FOXO1: variants seen among roughly 807,000 people sequenced by gnomAD.
The protein encoded by FOXO1 is forkhead box protein O1.
In FOXO1, 6 loss-of-function variants were observed where a neutral mutation model predicts 44.1. The observed-to-expected ratio is 0.14, with a 90% CI of 0.07 to 0.27. The LOEUF is 0.27. Ranked by LOEUF, FOXO1 falls within the 10% of genes least tolerant of loss-of-function variation. FOXO1 has a pLI of 1.00. For missense variants in FOXO1, 737 were observed against 888.8 expected (o/e 0.83, Z 2.17); for synonymous variants, 380 against 362.7 (o/e 1.05, Z -0.54).
chr13:40,594,296 TCAGC>T (rs1374777973), intron 1 of FOXO1, among the ~76,000 whole-genome samples: 1 of 151,966 alleles, frequency 6.6e-6, no homozygotes, highest in Non-Finnish European at 1.5e-5. Flanking sequence ...CAAGCAAAAG[TCAGC>T]CAGGATGGAG....
chr13:40,663,242 T>TA (rs1373990038), intron 1 of FOXO1, among the ~76,000 whole-genome samples: 1 of 152,230 alleles, frequency 6.6e-6, no homozygotes, highest in South Asian at 2.1e-4. Context: ...CTTGCATTTT[T>TA]AAAAAAATCA....
intron 1 of FOXO1, among the ~76,000 whole-genome samples, chr13:40,657,744 G>A (rs1337451054): frequency 6.6e-6 from 1 of 152,058 alleles, no homozygotes; most frequent in Non-Finnish European, 1.5e-5. Context: ...ATTGCATCTA[G>A]TCTTCCTACT....
chr13:40,662,022 T>C (rs934446072), intron 1 of FOXO1, among the ~76,000 whole-genome samples: 1 of 151,416 alleles, frequency 6.6e-6, no homozygotes, highest in African/African-American at 2.4e-5. Context: ...AATACAAAAA[T>C]TAGCCAAGCA....
intron 1 of FOXO1, among the ~76,000 whole-genome samples, chr13:40,627,685 T>C (rs1311408776): frequency 1.3e-5 from 2 of 151,722 alleles, no homozygotes; most frequent in African/African-American, 2.4e-5. Context: ...ACACCAAAAT[T>C]AGCCAGGCAT....
rs779803394 is a variant in FOXO1 at position 40,560,083 on chromosome 13, A to G, written c.1408T>C (p.Ser470Pro). Residue 470 changes from serine (S) to proline (P), a missense_variant, in exon 2 of 3, where the codon TCT becomes CCT. By Grantham distance (74) the Ser-to-Pro change is moderately conservative. Transcript: ENST00000379561. The surrounding 1 kb of genome is among the most constrained non-coding windows in gnomAD (Gnocchi z 5.1). ...GTCATAATGTCATTATGGGGAGGAG[A>G]GTCAGAAGTCAGCAACTCCTTCAAG... ...GLLKELLTSD[S>P]PPHNDIMTPV... is the part of the protein sequence containing the mutation. 3.9e-5 allele frequency: 63 copies of G among 1,614,038 alleles called. No individual in the cohort carries two copies. Among genetic ancestry groups the G allele is most frequent in the Non-Finnish European group, 5.2e-5 (61 of 1,179,998 alleles).
chr13:40,617,750 T>C (rs1468198503), intron 1 of FOXO1, among the ~76,000 whole-genome samples: 1 of 152,164 alleles, frequency 6.6e-6, no homozygotes, highest in Non-Finnish European at 1.5e-5. Context: ...TGTTGAACAA[T>C]AAATAAGAAG....
At chr13:40,612,087 C>CAAATAA (rs1000280523) in intron 1 of FOXO1, among the ~76,000 whole-genome samples, 6 of 151,964 alleles carry the variant, frequency 3.9e-5, no homozygotes, top group Non-Finnish European at 7.4e-5. Flanking sequence ...AATAAACAAA[C>CAAATAA]AAATAAAAAT....
At chr13:40,637,443 C>CAAAAA (rs894457880) in intron 1 of FOXO1, among the ~76,000 whole-genome samples, 83 of 52,484 alleles carry the variant, frequency 1.6e-3, no homozygotes, top group East Asian at 6.1e-3. Context: ...GACTCCATCA[C>CAAAAA]AAAAAAAAAA....
chr13:40,665,452 C>T (rs1226389503), intron 1 of FOXO1, 131 bp downstream of exon 1: 1 of 790,862 alleles, frequency 1.3e-6, no homozygotes, highest in East Asian at 3.4e-5. Flanking sequence ...GCGACCACCG[C>T]TTCTCGCCCG....
rs553833936 is a variant in FOXO1 at position 40,663,721 on chromosome 13, T to C, written c.630+1862A>G. Reference sequence around the variant, plus strand: ...TACTTTTTTGAAACACTTGGTAAAATTGCATGTAATGCCTGGTAATGAAGC... The same window carrying C: ...TACTTTTTTGAAACACTTGGTAAAACTGCATGTAATGCCTGGTAATGAAGC... On this transcript the variant is annotated intron_variant, in intron 1 of 2. Coordinates refer to ENST00000379561, the MANE Select transcript of FOXO1 (RefSeq NM_002015.4). Among the ~76,000 whole-genome samples the C allele has an allele frequency of 7.2e-5, 11 of 152,328 alleles. No individual in the cohort carries two copies. The South Asian group carries it at 1.0e-3, about 14-fold the overall frequency.
chr13:40,665,455 C>G (rs1321578554), intron 1 of FOXO1, 128 bp downstream of exon 1: 1 of 825,474 alleles, frequency 1.2e-6, no homozygotes, highest in Non-Finnish European at 1.6e-6. Flanking sequence ...ACCACCGCTT[C>G]TCGCCCGCCC....
intron 1 of FOXO1, among the ~76,000 whole-genome samples, chr13:40,658,161 A>C (rs1877916178): frequency 6.6e-6 from 1 of 152,180 alleles, no homozygotes; most frequent in Non-Finnish European, 1.5e-5. Context: ...ACTGACTTGA[A>C]CCTTGCACAC....
intron 1 of FOXO1, 121 bp downstream of exon 1, chr13:40,665,462 G>A (rs1878198899): frequency 2.3e-6 from 2 of 874,404 alleles, no homozygotes; most frequent in Non-Finnish European, 1.5e-6. Context: ...CTTCTCGCCC[G>A]CCCTCCTGGG....
At chr13:40,589,332 C>G (rs1467561858) in intron 1 of FOXO1, among the ~76,000 whole-genome samples, 1 of 152,068 alleles carries the variant, frequency 6.6e-6, no homozygotes, top group African/African-American at 2.4e-5. Flanking sequence ...CCAATCAAGG[C>G]CAACAATGAA....
chr13:40,606,663 G>A (rs558462089), intron 1 of FOXO1, among the ~76,000 whole-genome samples: 9 of 152,238 alleles, frequency 5.9e-5, no homozygotes, highest in Admixed American at 2.6e-4. Context: ...TCTATGGTGG[G>A]GCTGGGGGAG....
At chr13:40,656,005 G>A (rs961011633) in intron 1 of FOXO1, among the ~76,000 whole-genome samples, 2 of 152,054 alleles carry the variant, frequency 1.3e-5, no homozygotes, top group African/African-American at 4.8e-5. Flanking sequence ...TGTGCCTTCT[G>A]ATGTGCCACA....
chr13:40,661,437 C>T (rs1878033617), intron 1 of FOXO1, among the ~76,000 whole-genome samples: 1 of 152,000 alleles, frequency 6.6e-6, no homozygotes, highest in African/African-American at 2.4e-5. Flanking sequence ...GCTGGGACTA[C>T]AGGCACCTGC....
intron 1 of FOXO1, among the ~76,000 whole-genome samples, chr13:40,641,079 C>G (rs1039981507): frequency 6.6e-6 from 1 of 152,106 alleles, no homozygotes; most frequent in Non-Finnish European, 1.5e-5. Context: ...CCATCGTGCC[C>G]GGCCAGTGTT....
intron 1 of FOXO1, among the ~76,000 whole-genome samples, chr13:40,646,901 C>G (rs1051349389): frequency 1.1e-4 from 16 of 152,148 alleles, no homozygotes; most frequent in African/African-American, 2.9e-4. Flanking sequence ...GCCTGAACTT[C>G]GTAACAATTC....
Sources: allele counts gnomAD v4.1 joint callset (sites outside exome capture counted in the v4.1 genomes callset), GRCh38; gene constraint gnomAD v4.1.1; non-coding constraint Gnocchi (gnomAD v3.1); transcripts MANE v1.5; gene names NCBI Gene and HGNC (gene_info 2026-07-23, HGNC 2026-07-21).